The following LY96 variants were observed in gnomAD, a reference collection of about 807,000 sequenced individuals.
The protein encoded by LY96 is myeloid differentiation protein-2.
Under a neutral mutation model 18.9 loss-of-function variants are expected in LY96, and 18 were observed. The ratio of observed to expected loss-of-function variants is 0.95; its 90% CI spans 0.66 to 1.41. The LOEUF (loss-of-function observed/expected upper bound fraction) is 1.41, where lower values mean the gene tolerates loss of function less well. Ranked by LOEUF, LY96 falls within the 40% of genes most tolerant of loss-of-function variation. The probability of loss-of-function intolerance (pLI) is 0.00; values close to 1 mark genes in which losing one functional copy is unlikely to be tolerated. For synonymous variants in LY96, 66 were observed against 62.6 expected, an observed-to-expected ratio of 1.06 and a Z score of -0.26; for missense variants, 175 against 182.4, an observed-to-expected ratio of 0.96 and a Z score of 0.23.
At chr8:74,081,060 CT>C in the LY96 span, among the ~76,000 whole-genome samples, 405 of 116,728 alleles carry the variant, frequency 3.5e-3, 7 homozygotes, top group African/African-American at 0.011. Flanking sequence ...TTCTTTCTTT[CT>C]TTCTTACTTT....
chr8:74,027,311 CTT>C (rs546118809), intron 4 of LY96, among the ~76,000 whole-genome samples: 75 of 135,458 alleles, frequency 5.5e-4, no homozygotes, highest in Admixed American at 1.0e-3. Flanking sequence ...TTAGAATTAG[CTT>C]TTTTTTTTTT....
chr8:74,081,021 T>A, the LY96 span, among the ~76,000 whole-genome samples: 118 of 133,376 alleles, frequency 8.8e-4, no homozygotes, highest in East Asian at 9.8e-3. Context: ...TTTCTTTCTT[T>A]CTTTCTTTCT....
At chr8:74,081,350 T>A in the LY96 span, among the ~76,000 whole-genome samples, 1 of 151,184 alleles carries the variant, frequency 6.6e-6, no homozygotes, top group African/African-American at 2.4e-5. Context: ...TGACCTCCCT[T>A]GCTCAAGTGA....
chr8:74,008,974 G>A (rs1011016032), intron 2 of LY96, among the ~76,000 whole-genome samples: 14 of 152,198 alleles, frequency 9.2e-5, no homozygotes, highest in African/African-American at 3.1e-4. Context: ...GTTAAGCATA[G>A]CCAAGTTCAA....
At chr8:74,047,194 C>T in the LY96 span, among the ~76,000 whole-genome samples, 1 of 152,144 alleles carries the variant, frequency 6.6e-6, no homozygotes, top group African/African-American at 2.4e-5. Flanking sequence ...GGCCCTGACC[C>T]ACTCATTCTA....
chr8:74,027,314 T>A lies in LY96; in HGVS notation c.384+473T>A, dbSNP rs541869683. Among the ~76,000 whole-genome samples, 333 of 149,978 alleles carry A rather than the reference T, an allele frequency of 2.2e-3. 1 individual carries two copies. Among genetic ancestry groups the A allele is most frequent in the Admixed American group, 4.8e-3 (72 of 14,970 alleles). On this transcript the variant is annotated intron_variant, in intron 4 of 4. Transcript: ENST00000284818. ...TTTCACTTTTATTTAGAATTAGCTT[T>A]TTTTTTTTTTTTTTAACTGAGTCTT...
the LY96 span, among the ~76,000 whole-genome samples, chr8:74,092,030 C>G: frequency 6.6e-6 from 1 of 152,130 alleles, no homozygotes; most frequent in Non-Finnish European, 1.5e-5. Context: ...CATTTAAAGC[C>G]TGATTTTCCT....
the LY96 span, among the ~76,000 whole-genome samples, chr8:74,071,541 T>C: frequency 6.6e-6 from 1 of 152,182 alleles, no homozygotes; most frequent in Non-Finnish European, 1.5e-5. Context: ...TTAAATATAG[T>C]AATATCACAA....
At chr8:74,058,143 T>G in the LY96 span, among the ~76,000 whole-genome samples, 1 of 151,842 alleles carries the variant, frequency 6.6e-6, no homozygotes, top group African/African-American at 2.4e-5. Context: ...CAAGAAACAC[T>G]AGGACAGACT....
chr8:74,083,858 AT>A, the LY96 span, among the ~76,000 whole-genome samples: 693 of 146,146 alleles, frequency 4.7e-3, 2 homozygotes, highest in South Asian at 0.018. Flanking sequence ...TGCCTGGCTA[AT>A]TTTTTTTTTT....
the LY96 span, among the ~76,000 whole-genome samples, chr8:74,037,782 A>G: frequency 6.6e-6 from 1 of 152,150 alleles, no homozygotes; most frequent in East Asian, 1.9e-4. Flanking sequence ...TCAGAATTTT[A>G]TTACTTGCAC....
the LY96 span, among the ~76,000 whole-genome samples, chr8:74,097,481 G>T: frequency 1.3e-5 from 2 of 152,156 alleles, no homozygotes; most frequent in Non-Finnish European, 2.9e-5. Context: ...GGAGGTTGAG[G>T]TGGGTGGATC....
chr8:74,044,396 T>G, the LY96 span, among the ~76,000 whole-genome samples: 41,568 of 151,708 alleles, frequency 0.27, 6,994 homozygotes, highest in African/African-American at 0.48. Context: ...TTAATAAGTT[T>G]CCCAGGCTGG....
At chr8:74,029,083 A>T, downstream of LY96, 1 of 1,371,026 alleles carries the variant, frequency 7.3e-7, no homozygotes, top group Non-Finnish European at 1.0e-6. Flanking sequence ...AAAAAAATTT[A>T]AAGGTATTGT....
chr8:74,058,452 G>A, the LY96 span, among the ~76,000 whole-genome samples: 1 of 151,804 alleles, frequency 6.6e-6, no homozygotes, highest in Non-Finnish European at 1.5e-5. Context: ...TATTAGTCAG[G>A]GTTCTCCAGA....
intron 1 of LY96, among the ~76,000 whole-genome samples, chr8:74,002,617 G>T (rs1816320641): frequency 1.3e-5 from 2 of 150,252 alleles, no homozygotes; most frequent in South Asian, 4.2e-4. Flanking sequence ...TGTTGCCCAG[G>T]CTGGAGTGTA....
At chr8:74,096,866 T>A in the LY96 span, among the ~76,000 whole-genome samples, 1 of 152,146 alleles carries the variant, frequency 6.6e-6, no homozygotes, top group Non-Finnish European at 1.5e-5. Context: ...GGGGGAGACC[T>A]CACTTCCTAA....
rs1816926532 is a variant in LY96, at chr8:74,029,075, A to G, written c.*21A>G. ...ATTAGAATAAATTGAGTATTTAAAA[A>G]AAAATTTAAAGGTATTGTTCCTGTT... On this transcript the variant is annotated 3_prime_UTR_variant, in exon 5 of 5. Transcript: ENST00000284818. The G allele has an allele frequency of 6.9e-7, 1 of 1,453,100 alleles. No individual in the cohort carries two copies. The highest frequency in any genetic ancestry group is 9.6e-7 in the Non-Finnish European group (1 of 1,039,326). 90.0% of individuals were successfully genotyped at this position (1,453,100 alleles called of 1,614,324 possible). A position where few individuals can be genotyped will look rare whatever the true frequency, so the allele number is the denominator to read the frequency against.
At chr8:74,092,669 C>T in the LY96 span, among the ~76,000 whole-genome samples, 1 of 152,214 alleles carries the variant, frequency 6.6e-6, no homozygotes, top group Non-Finnish European at 1.5e-5. Context: ...CTCACTGTTT[C>T]ACCCAAACTT....
Sources: allele counts gnomAD v4.1 joint callset (sites outside exome capture counted in the v4.1 genomes callset), GRCh38; gene constraint gnomAD v4.1.1; transcripts MANE v1.5; gene names NCBI Gene and HGNC (gene_info 2026-07-23, HGNC 2026-07-21).